POT1: variants seen among roughly 807,000 people sequenced by gnomAD.
The protein encoded by POT1 is protection of telomeres protein 1.
A neutral mutation model predicts 78.5 loss-of-function variants in POT1; 47 were observed. The ratio of observed to expected loss-of-function variants is 0.60; its 90% CI spans 0.47 to 0.76. POT1 has a LOEUF of 0.76. Among genes scored for constraint, POT1 ranks in the 30% least tolerant of loss-of-function variants. POT1 has a pLI of 0.00. For synonymous variants in POT1, 259 were observed against 260.7 expected (o/e 0.99, Z 0.06); for missense variants, 646 against 749.9 (o/e 0.86, Z 1.62).
chr7:124,890,973 T>A (rs961319835), intron 6 of POT1, among the ~76,000 whole-genome samples: 1 of 151,836 alleles, frequency 6.6e-6, no homozygotes, highest in African/African-American at 2.4e-5. Flanking sequence ...AAGAAAAATG[T>A]ATACTCTGTT....
At chr7:124,862,281 C>T (rs986059283) in intron 8 of POT1, among the ~76,000 whole-genome samples, 5 of 152,110 alleles carry the variant, frequency 3.3e-5, no homozygotes, top group African/African-American at 9.7e-5. Context: ...TTTCTAAAAA[C>T]ACAGTCAAAA....
At chr7:124,902,167 T>C (rs1056868711) in intron 3 of POT1, among the ~76,000 whole-genome samples, 3 of 151,898 alleles carry the variant, frequency 2.0e-5, no homozygotes, top group Admixed American at 6.6e-5. Flanking sequence ...ATTCAGGAAA[T>C]ACAGAGAACG....
chr7:124,858,101 T>C (rs10954045), intron 9 of POT1, among the ~76,000 whole-genome samples: 91,226 of 151,946 alleles, frequency 0.6, 27,528 homozygotes, highest in African/African-American at 0.64. Flanking sequence ...TTCCAGCACC[T>C]GTGCACTCCA....
At chr7:124,852,390 G>A (rs1248811667) in intron 10 of POT1, among the ~76,000 whole-genome samples, 1 of 152,134 alleles carries the variant, frequency 6.6e-6, no homozygotes, top group Non-Finnish European at 1.5e-5. Flanking sequence ...TCTCTTTGAA[G>A]ATATGAAGAT....
intron 6 of POT1, among the ~76,000 whole-genome samples, chr7:124,884,400 C>T (rs1424367160): frequency 6.6e-6 from 1 of 152,102 alleles, no homozygotes; most frequent in African/African-American, 2.4e-5. Flanking sequence ...CCTTGTAAGA[C>T]AGTGAACAGG....
intron 5 of POT1, among the ~76,000 whole-genome samples, chr7:124,896,624 G>C (rs1423239088): frequency 6.6e-6 from 1 of 151,620 alleles, no homozygotes; most frequent in African/African-American, 2.4e-5. Flanking sequence ...GTTTCACTCG[G>C]CTACAAGTAG....
intron 7 of POT1, among the ~76,000 whole-genome samples, chr7:124,864,692 T>C (rs1795678840): frequency 6.6e-6 from 1 of 152,172 alleles, no homozygotes; most frequent in African/African-American, 2.4e-5. Flanking sequence ...ATTTTACGCG[T>C]TCTACTTCAC....
At chr7:124,872,305 A>G (rs1795891526) in intron 6 of POT1, among the ~76,000 whole-genome samples, 1 of 152,164 alleles carries the variant, frequency 6.6e-6, no homozygotes, top group Non-Finnish European at 1.5e-5. Flanking sequence ...TCTCTTCAAC[A>G]TACTGATTAT....
Position 124,841,041 on chromosome 7 carries a change from A to G in POT1, c.1301T>C (p.Val434Ala). ...ATTATTTTTCACAAAATGAACTGCT[A>G]CTTTTCGTCCTTTTTGATTTTTAGT... is the stretch of plus-strand genomic sequence containing the variant. ...WTTKNQKGRK[V>A]AVHFVKNNGI... is the part of the protein sequence containing the mutation. Residue 434 changes from valine (V) to alanine (A), a missense_variant, in exon 14 of 19, where the codon GTA becomes GCA. By Grantham distance (64) the Val-to-Ala change is moderately conservative (BLOSUM62 0). Transcript: ENST00000357628. The G allele has an allele frequency of 6.2e-7, 1 of 1,612,472 alleles. No homozygotes were observed. The highest frequency in any genetic ancestry group is 8.5e-7 in the Non-Finnish European group (1 of 1,178,842).
intron 9 of POT1, chr7:124,853,623 C>T (rs184709266): frequency 1.3e-5 from 2 of 152,042 alleles, no homozygotes; most frequent in African/African-American, 2.4e-5. Context: ...ATGGTACTAC[C>T]GAAAAATAAT....
chr7:124,848,603 C>T (rs1795227993), intron 11 of POT1: 2 of 194,298 alleles, frequency 1.0e-5, no homozygotes, highest in African/African-American at 2.6e-5. Context: ...GTGGAGGCTG[C>T]AATGAGCCGA....
chr7:124,850,396 G>A (rs972353263), intron 11 of POT1, among the ~76,000 whole-genome samples: 2 of 152,170 alleles, frequency 1.3e-5, no homozygotes, highest in African/African-American at 4.8e-5. Flanking sequence ...GTTTAAAGGA[G>A]ACAGAATAAT....
chr7:124,859,196 A>G lies in POT1; in HGVS notation c.547-84T>C, dbSNP rs750651039. On this transcript the variant is annotated intron_variant, in intron 8 of 18. Coordinates refer to ENST00000357628, the MANE Select transcript of POT1 (RefSeq NM_015450.3). ...AGTTTTTTCCTGGAAACAGTATTTA[A>G]AAGTAATTAAACTTATGCCTCTGAA... 2.1e-5 allele frequency: 22 copies of G among 1,042,034 alleles called. No homozygotes were observed. In the South Asian group the frequency reaches 4.4e-4, roughly 21 times the overall value. The allele number at this position is 1,042,034 out of a possible 1,614,324, so 64.5% of individuals were successfully genotyped here.
At chr7:124,836,035 A>C (rs1794893146) in intron 14 of POT1, among the ~76,000 whole-genome samples, 1 of 152,140 alleles carries the variant, frequency 6.6e-6, no homozygotes. Context: ...TCCAGGCAAA[A>C]TGAAAAGGAT....
intron 5 of POT1, 64 bp from the exon 6 acceptor site, chr7:124,892,444 A>T: frequency 1.2e-6 from 1 of 816,582 alleles, no homozygotes; most frequent in Non-Finnish European, 1.8e-6. Context: ...ATCATGTTAT[A>T]ATCATATTAG....
chr7:124,914,913 A>G (rs1796981276), intron 3 of POT1, among the ~76,000 whole-genome samples: 3 of 152,178 alleles, frequency 2.0e-5, no homozygotes, highest in Admixed American at 2.0e-4. Flanking sequence ...TAATAAATGT[A>G]TTTATATTTA....
chr7:124,842,663 CT>C, intron 13 of POT1, 143 bp downstream of exon 13: 1 of 542,256 alleles, frequency 1.8e-6, no homozygotes, highest in Non-Finnish European at 2.8e-6. Context: ...GAATTTAGCA[CT>C]TTACCTAAAA....
chr7:124,904,558 T>C (rs1296885637), intron 3 of POT1, among the ~76,000 whole-genome samples: 5 of 152,216 alleles, frequency 3.3e-5, no homozygotes, highest in Non-Finnish European at 7.4e-5. Context: ...GGGCAAAAAC[T>C]GGAAGCATTC....
At chr7:124,907,232 C>A (rs192621046) in intron 3 of POT1, among the ~76,000 whole-genome samples, 1 of 152,194 alleles carries the variant, frequency 6.6e-6, no homozygotes, top group Admixed American at 6.6e-5. Context: ...GGTCATTTCC[C>A]TTTTGTGTCT....
Sources: gnomAD v4.1 joint callset for allele counts (sites outside exome capture counted in the v4.1 genomes callset) on GRCh38, gnomAD v4.1.1 for gene constraint, MANE v1.5 for transcripts, NCBI Gene and HGNC (gene_info 2026-07-23, HGNC 2026-07-21) for gene names.